Variants in STK24 observed in about 807,000 individuals in gnomAD.
STK24 encodes serine/threonine kinase 24, also known as serine/threonine-protein kinase 24.
STK24 carries 21 observed loss-of-function variants against 55.6 expected under a neutral mutation model. That is an observed-to-expected ratio of 0.38 (90% CI 0.27 to 0.54). STK24 has a LOEUF of 0.54. Among genes scored for constraint, STK24 ranks in the 20% least tolerant of loss-of-function variants. The pLI is 0.79. For missense variants in STK24, 383 were observed against 538.4 expected, an observed-to-expected ratio of 0.71 and a Z score of 2.86; for synonymous variants, 200 against 215.2, an observed-to-expected ratio of 0.93 and a Z score of 0.62.
chr13:98,520,817 C>T (rs1426553373), intron 1 of STK24, among the ~76,000 whole-genome samples: 1 of 152,232 alleles, frequency 6.6e-6, no homozygotes, highest in Non-Finnish European at 1.5e-5. Context: ...ACCATGGCAA[C>T]AACGCACATA....
At chr13:98,487,895 C>T (rs535686534) in intron 2 of STK24, among the ~76,000 whole-genome samples, 24 of 152,188 alleles carry the variant, frequency 1.6e-4, no homozygotes, top group Non-Finnish European at 5.9e-5. Flanking sequence ...AGAGGCTGTC[C>T]CATATATGGC....
chr13:98,490,853 A>G (rs1252475234), intron 2 of STK24, among the ~76,000 whole-genome samples: 1 of 151,302 alleles, frequency 6.6e-6, no homozygotes, highest in Non-Finnish European at 1.5e-5. Context: ...AAAACAGAAC[A>G]CTGGAGTTTC....
At chr13:98,536,065 G>A (rs1432381122) in intron 1 of STK24, among the ~76,000 whole-genome samples, 1 of 152,182 alleles carries the variant, frequency 6.6e-6, no homozygotes, top group Non-Finnish European at 1.5e-5. Context: ...AGGCCTCGAA[G>A]GGGAAATTCC....
intron 2 of STK24, among the ~76,000 whole-genome samples, chr13:98,517,772 C>T (rs1896119368): frequency 6.6e-6 from 1 of 152,202 alleles, no homozygotes; most frequent in Admixed American, 6.5e-5. Context: ...CATTCTTCCT[C>T]CATTCTTTAA....
chr13:98,457,463 T>A (rs1043835925), intron 9 of STK24, among the ~76,000 whole-genome samples, 159 bp from the exon 10 acceptor site: 1 of 136,412 alleles, frequency 7.3e-6, no homozygotes, highest in African/African-American at 2.7e-5. Context: ...CACTTCAAAT[T>A]GCTTTTTTTT....
In STK24 at chr13:98,475,548, GAGAAAATGGCTTTGCTCAATGA is replaced by G. The variant is rs200036305; in HGVS notation, c.331-212_331-191del. On this transcript the variant is annotated intron_variant, in intron 3 of 10. Transcript: ENST00000539966. The stretch of plus-strand genomic sequence containing the variant: ...GGACCCTTAAAAAAACAAAGGGCCC[GAGAAAATGGCTTTGCTCAATGA>G]AGCCAAGCCAGCAGAGAAGCAAAGA... 9.5e-3 allele frequency among the ~76,000 whole-genome samples: 1,446 copies of G among 152,286 alleles called. 32 individuals carry two copies. Among genetic ancestry groups the G allele is most frequent in the Admixed American group, 0.032 (488 of 15,296 alleles).
intron 2 of STK24, among the ~76,000 whole-genome samples, chr13:98,510,087 G>A (rs569915764): frequency 5.3e-4 from 81 of 152,202 alleles, no homozygotes; most frequent in Admixed American, 7.8e-4. Context: ...GATGGTGTAC[G>A]GACTCTGTAC....
At chr13:98,529,550 T>C (rs1249090790) in intron 1 of STK24, among the ~76,000 whole-genome samples, 1 of 152,194 alleles carries the variant, frequency 6.6e-6, no homozygotes, top group East Asian at 1.9e-4. Flanking sequence ...CCTCTTGTCA[T>C]CCAACTTCTT....
intron 2 of STK24, among the ~76,000 whole-genome samples, chr13:98,498,133 C>G (rs9554476): frequency 1.3e-5 from 2 of 152,176 alleles, no homozygotes; most frequent in African/African-American, 2.4e-5. Context: ...CACTGATGGT[C>G]TATTGTTTGA....
At position 98,446,184 on chromosome 13, in the gene STK24, GTTC is replaced by G. The variant is rs1390774650; in HGVS notation, c.*6986_*6988del. 4.3e-6 allele frequency: 7 copies of G among 1,612,994 alleles called. No homozygotes were observed. The highest frequency in any genetic ancestry group is 1.7e-5 in the Admixed American group (1 of 59,978). On this transcript the variant is annotated 3_prime_UTR_variant, in exon 11 of 11. Coordinates refer to ENST00000539966, the MANE Select transcript of STK24 (RefSeq NM_001032296.4). ...GGGTGGTGTTCACAAACTTCTGCCT[GTTC>G]TTCTACAAATCACACCAGGTAAGTG...
At chr13:98,486,230 G>A (rs1894802539) in intron 2 of STK24, among the ~76,000 whole-genome samples, 1 of 151,966 alleles carries the variant, frequency 6.6e-6, no homozygotes, top group Non-Finnish European at 1.5e-5. Context: ...AAAGAAAAAG[G>A]GGACAGAGTG....
Position 98,450,126 on chromosome 13 carries a change from A to AT in STK24, c.*3046dup, listed in dbSNP as rs1238681077. ...CTGCTTCCTGTGTGCCCTCAAGAAA[A>AT]TACTAGTGTGGGTAACAGTCCATCT... On this transcript the variant is annotated 3_prime_UTR_variant, in exon 11 of 11. Coordinates refer to ENST00000539966, the MANE Select transcript of STK24 (RefSeq NM_001032296.4). 1 of 152,242 alleles carries AT rather than the reference A, an allele frequency of 6.6e-6. No individual in the cohort carries two copies. Among genetic ancestry groups the AT allele is most frequent in the African/African-American group, 2.4e-5 (1 of 41,458 alleles). The allele number at this position is 152,242 out of a possible 1,614,324, so 9.4% of individuals were successfully genotyped here. A position where few individuals can be genotyped will look rare whatever the true frequency, so the allele number is the denominator to read the frequency against.
intron 2 of STK24, among the ~76,000 whole-genome samples, chr13:98,516,361 A>G (rs916465200): frequency 6.6e-6 from 1 of 152,226 alleles, no homozygotes; most frequent in Admixed American, 6.5e-5. Context: ...CGCACTGGAT[A>G]AAGTATCAAC....
intron 8 of STK24, among the ~76,000 whole-genome samples, 179 bp downstream of exon 8, chr13:98,461,595 G>A (rs1345043230): frequency 1.3e-5 from 2 of 152,154 alleles, no homozygotes; most frequent in Non-Finnish European, 2.9e-5. Flanking sequence ...TCCCTGGTGT[G>A]AACACCTGGA....
chr13:98,506,366 A>C (rs1895679870), intron 2 of STK24, among the ~76,000 whole-genome samples: 1 of 152,246 alleles, frequency 6.6e-6, no homozygotes, highest in African/African-American at 2.4e-5. Context: ...GAACGGCTGC[A>C]ATGAGAACAA....
rs1369336643 is a variant in STK24, at chr13:98,449,074, C to A, written c.*4099G>T. 1.3e-5 allele frequency: 2 copies of A among 152,202 alleles called. No individual in the cohort carries two copies. The highest frequency in any genetic ancestry group is 6.5e-5 in the Admixed American group (1 of 15,278). The allele number at this position is 152,202 out of a possible 1,614,324, so 9.4% of individuals were successfully genotyped here. ...GTCACCGTCCTGTGAGTGGTGTACA[C>A]AATGGGAAGATAATAAGCCGTGGTG... On this transcript the variant is annotated 3_prime_UTR_variant, in exon 11 of 11. Transcript: ENST00000539966.
At chr13:98,529,981 TC>T (rs1372260529) in intron 1 of STK24, among the ~76,000 whole-genome samples, 2 of 152,100 alleles carry the variant, frequency 1.3e-5, no homozygotes, top group East Asian at 3.8e-4. Context: ...AAGGCTCTAC[TC>T]CACTGGCACT....
intron 2 of STK24, among the ~76,000 whole-genome samples, chr13:98,495,992 C>T (rs544039563): frequency 7.2e-5 from 11 of 152,224 alleles, no homozygotes; most frequent in African/African-American, 1.9e-4. Context: ...ATGTGCTTCT[C>T]CCTCTCCCAG....
Position 98,448,404 on chromosome 13 carries a change from A to G in STK24, c.*4769T>C. On this transcript the variant is annotated 3_prime_UTR_variant, in exon 11 of 11. Coordinates refer to ENST00000539966, the MANE Select transcript of STK24 (RefSeq NM_001032296.4). ...ATTAATGAAGCCTGGTAAAATTAAC[A>G]CCTGTCTGAAAATCAAAAACATGGC... The G allele has an allele frequency of 9.2e-7, 1 of 1,089,062 alleles. No individual in the cohort carries two copies. Among genetic ancestry groups the G allele is most frequent in the Non-Finnish European group, 1.4e-6 (1 of 710,514 alleles). 67.5% of individuals were successfully genotyped at this position (1,089,062 alleles called of 1,614,324 possible).
Sources: gnomAD v4.1 joint callset for allele counts (sites outside exome capture counted in the v4.1 genomes callset) on GRCh38, gnomAD v4.1.1 for gene constraint, MANE v1.5 for transcripts, NCBI Gene and HGNC (gene_info 2026-07-23, HGNC 2026-07-21) for gene names.